The following OXSR1 variants were observed in gnomAD, a reference collection of about 807,000 sequenced individuals.
The protein encoded by OXSR1 is serine/threonine-protein kinase OSR1.
OXSR1 carries 24 observed loss-of-function variants against 79.8 expected under a neutral mutation model. The observed-to-expected ratio is 0.30, with a 90% CI of 0.22 to 0.42. The LOEUF is 0.42. Ranked by LOEUF, OXSR1 falls within the 10% of genes least tolerant of loss-of-function variation. The probability of loss-of-function intolerance (pLI) is 1.00; values close to 1 mark genes in which losing one functional copy is unlikely to be tolerated. For missense variants in OXSR1, 430 were observed against 618.4 expected, an observed-to-expected ratio of 0.70 and a Z score of 3.23; for synonymous variants, 226 against 209.2, an observed-to-expected ratio of 1.08 and a Z score of -0.69.
At chr3:38,181,728 C>T (rs1009682353) in intron 1 of OXSR1, among the ~76,000 whole-genome samples, 4 of 152,110 alleles carry the variant, frequency 2.6e-5, no homozygotes, top group African/African-American at 9.7e-5. Flanking sequence ...GTAATTCCAA[C>T]ATCTGATTTA....
chr3:38,208,794 T>C (rs111368643), intron 4 of OXSR1, among the ~76,000 whole-genome samples: 20,811 of 151,952 alleles, frequency 0.14, 1,828 homozygotes, highest in Middle Eastern at 0.27. Flanking sequence ...CCCAGCTACT[T>C]GGGAGGCTAA....
Position 38,166,054 on chromosome 3 carries a change from T to TG in OXSR1, c.70+112dup. The TG allele has an allele frequency of 6.5e-6, 6 of 925,518 alleles. No individual in the cohort carries two copies. The South Asian group carries it at 9.2e-5, about 14-fold the overall frequency. 57.3% of individuals were successfully genotyped at this position (925,518 alleles called of 1,614,324 possible). ...GGAGCGCAGCCCTCATAGGAATTCGTGGGGCGCTTGTGGGGCTGGGGGCTT... is the reference window on the plus strand; with the variant it reads ...GGAGCGCAGCCCTCATAGGAATTCGTGGGGGCGCTTGTGGGGCTGGGGGCTT... On this transcript the variant is annotated intron_variant, in intron 1 of 17. Coordinates refer to ENST00000311806, the MANE Select transcript of OXSR1 (RefSeq NM_005109.3).
At position 38,190,741 on chromosome 3, in the gene OXSR1, AAGCC is replaced by A; in HGVS notation, c.196_199del (p.Ala66Ter). 6.4e-7 allele frequency: 1 copy of A among 1,565,588 alleles called. No homozygotes were observed. The highest frequency in any genetic ancestry group is 8.8e-7 in the Non-Finnish European group (1 of 1,136,742). On this transcript the variant is annotated frameshift_variant, in exon 3 of 18. Coordinates refer to ENST00000311806, the MANE Select transcript of OXSR1 (RefSeq NM_005109.3). LOFTEE classifies it high-confidence loss of function. ...TTCTCTTCTTTGTAGAAAGAAATTC[AAGCC>A]ATGAGTCAATGCCATCATCCTAATA...
chr3:38,196,527 G>C (rs541837591), intron 3 of OXSR1, among the ~76,000 whole-genome samples: 1 of 152,182 alleles, frequency 6.6e-6, no homozygotes, highest in Non-Finnish European at 1.5e-5. Flanking sequence ...AAGATAAATT[G>C]TTATGCCAAA....
At chr3:38,212,255 T>A (rs1335372832) in intron 4 of OXSR1, among the ~76,000 whole-genome samples, 2 of 152,216 alleles carry the variant, frequency 1.3e-5, no homozygotes, top group Non-Finnish European at 2.9e-5. Context: ...CAGATATTTT[T>A]AGGATGTCTT....
At chr3:38,240,460 G>A (rs908630243) in intron 11 of OXSR1, among the ~76,000 whole-genome samples, 12 of 152,074 alleles carry the variant, frequency 7.9e-5, no homozygotes, top group African/African-American at 2.7e-4. Context: ...GTGTGTGTGC[G>A]TGTATGTATA....
At chr3:38,236,573 A>G (rs1216809618) in intron 10 of OXSR1, 1 of 233,478 alleles carries the variant, frequency 4.3e-6, no homozygotes, top group East Asian at 8.0e-5. Context: ...TTAAAATCAG[A>G]TTTTACCTGT....
chr3:38,165,861 A>C lies in OXSR1; in HGVS notation c.-16A>C, dbSNP rs1701438747. 6.2e-7 allele frequency: 1 copy of C among 1,606,128 alleles called. No homozygotes were observed. The highest frequency in any genetic ancestry group is 1.7e-5 in the Admixed American group (1 of 59,318). The stretch of plus-strand genomic sequence containing the variant: ...TCAGCGAGTTTGAGGGAGGACCGCG[A>C]GCCGCTGCCGCCGTCATGTCCGAGG... On this transcript the variant is annotated 5_prime_UTR_variant, in exon 1 of 18. Transcript: ENST00000311806.
At chr3:38,181,287 A>G (rs148745513) in intron 1 of OXSR1, among the ~76,000 whole-genome samples, 1 of 151,438 alleles carries the variant, frequency 6.6e-6, no homozygotes, top group Non-Finnish European at 1.5e-5. Context: ...TATAATTTCC[A>G]TGTGGTACTT....
chr3:38,199,654 A>G (rs959407287), intron 4 of OXSR1, among the ~76,000 whole-genome samples: 3 of 152,110 alleles, frequency 2.0e-5, no homozygotes, highest in Non-Finnish European at 2.9e-5. Flanking sequence ...ATTGTGAGCT[A>G]TGGTTCCAAT....
chr3:38,217,061 C>T lies in OXSR1; in HGVS notation c.490+910C>T, dbSNP rs151320335. On this transcript the variant is annotated intron_variant, in intron 5 of 17. Transcript: ENST00000311806. ...ATTGTTAAAGGGCTCAAGTGTAAAG[C>T]GTATAAAAAACTCACTGAGAGAAAA... 6.0e-3 allele frequency among the ~76,000 whole-genome samples: 913 copies of T among 151,796 alleles called. 5 individuals are homozygous for T. The highest frequency in any genetic ancestry group is 0.039 in the South Asian group (188 of 4,798).
Position 38,190,810 on chromosome 3 carries a change from T to C in OXSR1, c.263T>C (p.Leu88Pro). The C allele has an allele frequency of 6.2e-7, 1 of 1,604,682 alleles. No homozygotes were observed. The highest frequency in any genetic ancestry group is 8.5e-7 in the Non-Finnish European group (1 of 1,171,610). The change falls in exon 3 of 18, where the codon CTG (leucine) becomes CCG (proline). Residue 88 changes from leucine to proline, a missense_variant. Around this residue, in one of 3 missense-constraint regions of OXSR1, gnomAD observed 145 missense variants for 228.3 expected, o/e 0.64. Coordinates refer to ENST00000311806, the MANE Select transcript of OXSR1 (RefSeq NM_005109.3). Reference sequence around the variant, plus strand: ...ACATCTTTTGTGGTAAAAGATGAGCTGTGGCTTGTCATGAAGCTGCTAAGT... The same window carrying C: ...ACATCTTTTGTGGTAAAAGATGAGCCGTGGCTTGTCATGAAGCTGCTAAGT... The part of the protein sequence containing the change: ...YYTSFVVKDE[L>P]WLVMKLLSGG...
intron 3 of OXSR1, among the ~76,000 whole-genome samples, chr3:38,193,662 A>G (rs1364022565): frequency 7.0e-6 from 1 of 143,630 alleles, no homozygotes; most frequent in Non-Finnish European, 1.5e-5. Context: ...CAGTGAGTAT[A>G]TGTCTTGATC....
rs1401732817 is a variant in OXSR1 at position 38,254,998 on chromosome 3, T to C, written c.*2107T>C. On this transcript the variant is annotated 3_prime_UTR_variant, in exon 18 of 18. Transcript: ENST00000311806. ...ACACCATGTCCCAGGACAGTGTTAC[T>C]TCTTCTGCATGATGTGTGGTAGACT... 3 of 152,812 alleles carry C rather than the reference T, an allele frequency of 2.0e-5. No individual in the cohort carries two copies. Among genetic ancestry groups the C allele is most frequent in the African/African-American group, 7.2e-5 (3 of 41,574 alleles). The allele number at this position is 152,812 out of a possible 1,614,324, so 9.5% of individuals were successfully genotyped here.
Position 38,255,092 on chromosome 3 carries a change from G to A in OXSR1, c.*2201G>A, listed in dbSNP as rs146256440. The A allele has an allele frequency of 3.9e-5, 6 of 152,746 alleles. No individual in the cohort carries two copies. The highest frequency in any genetic ancestry group is 1.4e-4 in the African/African-American group (6 of 41,564). The allele number at this position is 152,746 out of a possible 1,614,324, so 9.5% of individuals were successfully genotyped here. On this transcript the variant is annotated 3_prime_UTR_variant, in exon 18 of 18. Transcript: ENST00000311806. ...AGAAACTGCCCAGGTGGAACAGCAC[G>A]TAACCTAGTGAGTGACTGTACTCCT...
intron 10 of OXSR1, among the ~76,000 whole-genome samples, chr3:38,232,560 G>C (rs1039397406): frequency 6.6e-6 from 1 of 152,024 alleles, no homozygotes; most frequent in African/African-American, 2.4e-5. Flanking sequence ...TTCAAAACCA[G>C]CCTGGGCAAC....
At chr3:38,195,529 A>G (rs1215276066) in intron 3 of OXSR1, among the ~76,000 whole-genome samples, 1 of 152,246 alleles carries the variant, frequency 6.6e-6, no homozygotes, top group African/African-American at 2.4e-5. Context: ...TTAGGAAGAC[A>G]TAAGCAATAA....
chr3:38,200,444 C>G (rs1011808543), intron 4 of OXSR1, among the ~76,000 whole-genome samples: 1 of 152,148 alleles, frequency 6.6e-6, no homozygotes, highest in Non-Finnish European at 1.5e-5. Flanking sequence ...TCTGAGGCCC[C>G]TAGCCACTCT....
At chr3:38,174,405 A>G (rs2125802336) in intron 1 of OXSR1, among the ~76,000 whole-genome samples, 1 of 152,230 alleles carries the variant, frequency 6.6e-6, no homozygotes, top group Middle Eastern at 3.4e-3. Context: ...AACACGGTGA[A>G]ACCCCATCTC....
Sources: gnomAD v4.1 joint callset for allele counts (sites outside exome capture counted in the v4.1 genomes callset) on GRCh38, gnomAD v4.1.1 for gene constraint, gnomAD v4.1.1 regional missense constraint, MANE v1.5 for transcripts, NCBI Gene and HGNC (gene_info 2026-07-23, HGNC 2026-07-21) for gene names.